The following DOCK3 variants were observed in gnomAD, a reference collection of about 807,000 sequenced individuals.
DOCK3 encodes dedicator of cytokinesis 3.
Under a neutral mutation model 265.6 loss-of-function variants are expected in DOCK3, and 60 were observed. That is an observed-to-expected ratio of 0.23 (90% CI 0.18 to 0.28). The LOEUF (loss-of-function observed/expected upper bound fraction) is 0.28, where lower values mean the gene tolerates loss of function less well. Ranked by LOEUF, DOCK3 falls within the 10% of genes least tolerant of loss-of-function variation. The pLI, the probability that DOCK3 is intolerant of heterozygous loss-of-function variation, is 1.00. For missense variants in DOCK3, 1,981 were observed against 2,594.3 expected, an observed-to-expected ratio of 0.76 and a Z score of 5.14; for synonymous variants, 881 against 938.0, an observed-to-expected ratio of 0.94 and a Z score of 1.11.
chr3:51,147,776 T>C (rs1252916107), intron 10 of DOCK3, among the ~76,000 whole-genome samples: 2 of 152,214 alleles, frequency 1.3e-5, no homozygotes, highest in Non-Finnish European at 2.9e-5. Context: ...GTCTTTGCTA[T>C]TGTGAATAGC....
rs79469824 is a variant in DOCK3 at position 50,956,586 on chromosome 3, G to A, written c.315+22509G>A. ...ATTTTATGTTCACTACATCCCAGAA[G>A]GTGGGCAGGGATGATTGCTTTTTCC... On this transcript the variant is annotated intron_variant, in intron 5 of 52. Coordinates refer to ENST00000266037, the MANE Select transcript of DOCK3 (RefSeq NM_004947.5). Among the ~76,000 whole-genome samples, 417 of 152,246 alleles carry A rather than the reference G, an allele frequency of 2.7e-3. 1 individual carries two copies. The highest frequency in any genetic ancestry group is 9.6e-3 in the African/African-American group (399 of 41,556).
intron 4 of DOCK3, among the ~76,000 whole-genome samples, chr3:50,932,291 C>T (rs544322361): frequency 3.2e-4 from 49 of 152,172 alleles, no homozygotes; most frequent in Non-Finnish European, 4.6e-4. Context: ...AATTTTACTG[C>T]ACTGAGTCAT....
intron 46 of DOCK3, among the ~76,000 whole-genome samples, chr3:51,358,817 G>A (rs1263019777): frequency 1.3e-5 from 2 of 152,204 alleles, no homozygotes; most frequent in Non-Finnish European, 2.9e-5. Context: ...TATATTCCAG[G>A]ACCAGTATTC....
chr3:51,042,992 C>A (rs1425518131), intron 5 of DOCK3, among the ~76,000 whole-genome samples: 1 of 152,120 alleles, frequency 6.6e-6, no homozygotes, highest in Non-Finnish European at 1.5e-5. Context: ...ATAGGAAGAA[C>A]CAATATAATT....
intron 2 of DOCK3, among the ~76,000 whole-genome samples, chr3:50,782,542 G>A (rs975063990): frequency 1.1e-4 from 17 of 150,788 alleles, no homozygotes; most frequent in African/African-American, 3.7e-4. Flanking sequence ...CGCCCGCCTC[G>A]GCCTCCCAAA....
intron 9 of DOCK3, among the ~76,000 whole-genome samples, chr3:51,096,212 A>G (rs892539000): frequency 1.3e-5 from 2 of 152,192 alleles, no homozygotes; most frequent in Non-Finnish European, 2.9e-5. Flanking sequence ...TCTCCTGCAT[A>G]ATATCCTGAA....
intron 44 of DOCK3, 67 bp downstream of exon 44, chr3:51,357,208 C>T: frequency 6.5e-7 from 1 of 1,540,628 alleles, no homozygotes; most frequent in Non-Finnish European, 8.7e-7. Context: ...ACAGGCTTCT[C>T]TTTTCAAGAT....
intron 1 of DOCK3, among the ~76,000 whole-genome samples, chr3:50,775,273 T>A (rs1031372780): frequency 2.0e-5 from 3 of 152,038 alleles, no homozygotes; most frequent in Admixed American, 6.6e-5. Flanking sequence ...GGGAAGTTTT[T>A]AATTACAGAT....
intron 6 of DOCK3, among the ~76,000 whole-genome samples, chr3:51,072,457 GA>G (rs1189549035): frequency 6.6e-6 from 1 of 151,970 alleles, no homozygotes. Flanking sequence ...ATCCAGACGG[GA>G]GTGTGGTGGC....
At chr3:51,333,130 T>A in intron 34 of DOCK3, 28 bp from the exon 35 acceptor site, 1 of 1,613,976 alleles carries the variant, frequency 6.2e-7, no homozygotes, top group Non-Finnish European at 8.5e-7. Flanking sequence ...ATGAATTGTG[T>A]TTGCTTTCTC....
intron 5 of DOCK3, among the ~76,000 whole-genome samples, chr3:51,039,530 G>T (rs2080397961): frequency 6.6e-6 from 1 of 152,060 alleles, no homozygotes; most frequent in African/African-American, 2.4e-5. Context: ...AATTCTGGGG[G>T]CTATTAAGTG....
intron 5 of DOCK3, among the ~76,000 whole-genome samples, chr3:50,972,628 G>A (rs1243751816): frequency 6.6e-6 from 1 of 152,150 alleles, no homozygotes; most frequent in African/African-American, 2.4e-5. Context: ...AGCTCTCCTC[G>A]GTTCAGCCAG....
intron 2 of DOCK3, among the ~76,000 whole-genome samples, chr3:50,821,559 C>T (rs1379406259): frequency 6.6e-6 from 1 of 152,168 alleles, no homozygotes; most frequent in African/African-American, 2.4e-5. Flanking sequence ...CTCGGCCTCC[C>T]AAAGTGCTGG....
intron 38 of DOCK3, among the ~76,000 whole-genome samples, chr3:51,345,265 A>G (rs1156392476): frequency 2.0e-5 from 3 of 152,184 alleles, no homozygotes; most frequent in Admixed American, 6.5e-5. Context: ...GAGGCTTTCT[A>G]GCTCACTGAG....
intron 5 of DOCK3, among the ~76,000 whole-genome samples, chr3:51,028,425 TTGCAGG>T (rs1331908933): frequency 6.6e-6 from 1 of 152,172 alleles, no homozygotes; most frequent in African/African-American, 2.4e-5. Flanking sequence ...CTTGTGTATC[TTGCAGG>T]TGTTCTCTTA....
chr3:51,086,265 T>C (rs1403478054), intron 7 of DOCK3, among the ~76,000 whole-genome samples: 1 of 152,090 alleles, frequency 6.6e-6, no homozygotes, highest in African/African-American at 2.4e-5. Context: ...GTTTGTGATA[T>C]AAGAACGCCT....
chr3:50,796,700 G>A (rs1051565315), intron 2 of DOCK3, among the ~76,000 whole-genome samples: 2 of 152,150 alleles, frequency 1.3e-5, no homozygotes, highest in African/African-American at 4.8e-5. Flanking sequence ...TTATTGCACT[G>A]ATTCTTTTTA....
intron 1 of DOCK3, among the ~76,000 whole-genome samples, chr3:50,734,193 G>A (rs73072483): frequency 0.1 from 15,298 of 152,146 alleles, 1,066 homozygotes; most frequent in South Asian, 0.29. Flanking sequence ...ACAAATATGT[G>A]TAGTTTTTAT....
At position 51,319,906 on chromosome 3, in the gene DOCK3, A is replaced by C. The variant is rs115020051; in HGVS notation, c.3402+4778A>C. On this transcript the variant is annotated intron_variant, in intron 32 of 52. Transcript: ENST00000266037. ...AACAACAAAAAAACGCAATAGCTAT[A>C]ATGAAAAATTTTAACCCATAATCCT... 7.1e-3 allele frequency among the ~76,000 whole-genome samples: 1,088 copies of C among 152,250 alleles called. 10 individuals carry two copies. The highest frequency in any genetic ancestry group is 0.021 in the Middle Eastern group (6 of 292).
Sources: allele counts gnomAD v4.1 joint callset (sites outside exome capture counted in the v4.1 genomes callset), GRCh38; gene constraint gnomAD v4.1.1; transcripts MANE v1.5; gene names NCBI Gene and HGNC (gene_info 2026-07-23, HGNC 2026-07-21).